The following CPA6 variants were observed in gnomAD, a reference collection of about 807,000 sequenced individuals.
CPA6 encodes carboxypeptidase B.
In CPA6, 58 loss-of-function variants were observed where a neutral mutation model predicts 63.3. That is an observed-to-expected ratio of 0.92 (90% CI 0.74 to 1.14). The LOEUF is 1.14. Among genes scored for constraint, CPA6 ranks in the 50% most tolerant of loss-of-function variants. The pLI is 0.00. For missense variants in CPA6, 565 were observed against 526.6 expected, an observed-to-expected ratio of 1.07 and a Z score of -0.71; for synonymous variants, 185 against 179.0, an observed-to-expected ratio of 1.03 and a Z score of -0.27.
chr8:67,661,252 G>A (rs1033221435), intron 1 of CPA6, among the ~76,000 whole-genome samples: 10 of 152,154 alleles, frequency 6.6e-5, no homozygotes, highest in Admixed American at 6.5e-4. Flanking sequence ...TTCAGGCAGG[G>A]AGAAGAGCAA....
intron 1 of CPA6, among the ~76,000 whole-genome samples, chr8:67,658,721 C>G (rs1191454794): frequency 1.3e-5 from 2 of 152,174 alleles, no homozygotes; most frequent in African/African-American, 4.8e-5. Flanking sequence ...CCCTCAAACC[C>G]ACTTTTCCAT....
At chr8:67,548,487 T>C (rs2128972416) in intron 2 of CPA6, among the ~76,000 whole-genome samples, 1 of 151,978 alleles carries the variant, frequency 6.6e-6, no homozygotes, top group African/African-American at 2.4e-5. Flanking sequence ...TTTCCTCAGG[T>C]GATCTGCTCA....
At chr8:67,468,699 T>A (rs1052119661) in intron 8 of CPA6, among the ~76,000 whole-genome samples, 1 of 152,180 alleles carries the variant, frequency 6.6e-6, no homozygotes, top group Non-Finnish European at 1.5e-5. Context: ...CTCTGTGACA[T>A]AACCCCACTT....
At chr8:67,634,385 A>AT (rs1283456679) in intron 1 of CPA6, among the ~76,000 whole-genome samples, 1 of 150,644 alleles carries the variant, frequency 6.6e-6, no homozygotes, top group Admixed American at 6.6e-5. Flanking sequence ...CGCCCGGCTA[A>AT]TTTTTTGTAT....
chr8:67,484,902 C>T (rs545797848), intron 6 of CPA6, 113 bp from the exon 7 acceptor site: 1 of 537,966 alleles, frequency 1.9e-6, no homozygotes, highest in East Asian at 3.1e-5. Flanking sequence ...TTTAAAAAGT[C>T]ATAAACTAAC....
chr8:67,474,442 C>T (rs1030885946), intron 8 of CPA6, among the ~76,000 whole-genome samples: 1 of 151,976 alleles, frequency 6.6e-6, no homozygotes, highest in African/African-American at 2.4e-5. Context: ...AGGCTGGTCT[C>T]AAATTCCTGA....
chr8:67,615,962 T>C (rs900896), intron 2 of CPA6, among the ~76,000 whole-genome samples: 50,417 of 152,048 alleles, frequency 0.33, 9,012 homozygotes, highest in African/African-American at 0.48. Context: ...GTATGGTTCG[T>C]GTGATGGGCA....
intron 2 of CPA6, among the ~76,000 whole-genome samples, chr8:67,554,317 G>A (rs1450444451): frequency 6.6e-6 from 1 of 152,142 alleles, no homozygotes; most frequent in Non-Finnish European, 1.5e-5. Context: ...GGGAGCTGGT[G>A]TCTTACATGG....
At chr8:67,590,922 G>A (rs1474531623) in intron 2 of CPA6, among the ~76,000 whole-genome samples, 1 of 152,116 alleles carries the variant, frequency 6.6e-6, no homozygotes, top group Non-Finnish European at 1.5e-5. Context: ...GGCTTTTGTT[G>A]CCATTGCTTT....
chr8:67,532,761 T>C (rs922818040), intron 2 of CPA6, among the ~76,000 whole-genome samples: 3 of 152,196 alleles, frequency 2.0e-5, no homozygotes, highest in Non-Finnish European at 4.4e-5. Context: ...AAGTTGGCTG[T>C]CATTATATTA....
At chr8:67,703,769 C>A (rs770864918) in intron 1 of CPA6, among the ~76,000 whole-genome samples, 1 of 152,226 alleles carries the variant, frequency 6.6e-6, no homozygotes, top group Non-Finnish European at 1.5e-5. Flanking sequence ...AAACACTAAT[C>A]AGAACCCCAG....
intron 8 of CPA6, among the ~76,000 whole-genome samples, chr8:67,451,860 G>A (rs185235409): frequency 6.7e-4 from 102 of 152,276 alleles, no homozygotes; most frequent in Non-Finnish European, 1.1e-3. Context: ...AATCTGAAAC[G>A]CTGAGTTTTT....
rs377587941 is a variant in CPA6, at chr8:67,625,334, C to G, written c.117-1083G>C. 6.6e-5 allele frequency among the ~76,000 whole-genome samples: 10 copies of G among 152,342 alleles called. 1 individual carries two copies. The highest frequency in any genetic ancestry group is 2.6e-4 in the Admixed American group (4 of 15,306). On this transcript the variant is annotated intron_variant, in intron 1 of 10. Transcript: ENST00000297770. ...TTTCACAACCACAAAGGTTTTACCA[C>G]AGTTGAAATTATATTTGAACACAAT...
intron 8 of CPA6, among the ~76,000 whole-genome samples, chr8:67,445,505 A>G (rs912607134): frequency 6.6e-6 from 1 of 152,166 alleles, no homozygotes; most frequent in African/African-American, 2.4e-5. Context: ...GTAGGCTAAT[A>G]TTATATAAAA....
Position 67,534,914 on chromosome 8 carries a change from G to C in CPA6, c.193-16867C>G, listed in dbSNP as rs150512898. On this transcript the variant is annotated intron_variant, in intron 2 of 10. Coordinates refer to ENST00000297770, the MANE Select transcript of CPA6 (RefSeq NM_020361.5). ...CCTGGTGTGTGATGTTCCCCGCCTT[G>C]TGCCCATATGCTTTCATTATTCAAC... is the stretch of plus-strand genomic sequence containing the variant. Among the ~76,000 whole-genome samples the C allele has an allele frequency of 1.0e-3, 151 of 145,702 alleles. 1 individual carries two copies. The highest frequency in any genetic ancestry group is 3.6e-3 in the African/African-American group (140 of 39,092).
At chr8:67,479,608 G>A (rs1284263676) in intron 8 of CPA6, among the ~76,000 whole-genome samples, 1 of 152,180 alleles carries the variant, frequency 6.6e-6, no homozygotes. Flanking sequence ...TGAAATGCTG[G>A]AGAATTTGCA....
rs545742815 is a variant in CPA6 at position 67,651,594 on chromosome 8, A to C, written c.117-27343T>G. Among the ~76,000 whole-genome samples, 302 of 152,118 alleles carry C rather than the reference A, an allele frequency of 2.0e-3. 1 individual carries two copies. The highest frequency in any genetic ancestry group is 3.1e-3 in the Non-Finnish European group (213 of 67,988). ...TGAATCATGTATTCACAAGAAACAC[A>C]CTCATTGTATTCTCTTTGCTGTATA... is the stretch of plus-strand genomic sequence containing the variant. On this transcript the variant is annotated intron_variant, in intron 1 of 10. Transcript: ENST00000297770.
intron 7 of CPA6, among the ~76,000 whole-genome samples, chr8:67,484,202 T>A (rs560272091): frequency 5.2e-4 from 79 of 152,104 alleles, no homozygotes; most frequent in Non-Finnish European, 8.5e-4. Context: ...CCCGAGTAGC[T>A]GGGACTACAG....
chr8:67,529,364 G>T (rs7017897), intron 2 of CPA6, among the ~76,000 whole-genome samples: 46,022 of 151,966 alleles, frequency 0.3, 7,166 homozygotes, highest in South Asian at 0.41. Flanking sequence ...GAGATGAGAG[G>T]TGGGATATCA....
Sources: gnomAD v4.1 joint callset for allele counts (sites outside exome capture counted in the v4.1 genomes callset) on GRCh38, gnomAD v4.1.1 for gene constraint, MANE v1.5 for transcripts, NCBI Gene and HGNC (gene_info 2026-07-23, HGNC 2026-07-21) for gene names.